AJAP1: variants seen among roughly 807,000 people sequenced by gnomAD.
AJAP1 encodes the protein adherens junctions associated protein 1, also known as adherens junction-associated protein 1.
A neutral mutation model predicts 35.0 loss-of-function variants in AJAP1; 5 were observed. The observed-to-expected ratio is 0.14, with a 90% CI of 0.07 to 0.30. AJAP1 has a LOEUF of 0.30. Among genes scored for constraint, AJAP1 ranks in the 10% least tolerant of loss-of-function variants. The pLI is 1.00. For synonymous variants in AJAP1, 284 were observed against 249.3 expected (o/e 1.14, Z -1.31); for missense variants, 586 against 571.0 (o/e 1.03, Z -0.27).
At chr1:4,755,708 C>T (rs1010992229) in intron 2 of AJAP1, among the ~76,000 whole-genome samples, 1 of 150,956 alleles carries the variant, frequency 6.6e-6, no homozygotes, top group African/African-American at 2.5e-5. Context: ...GCCATCACAG[C>T]AAGTACAGGG....
chr1:4,678,258 C>A (rs1281214172), intron 1 of AJAP1, among the ~76,000 whole-genome samples: 1 of 152,202 alleles, frequency 6.6e-6, no homozygotes, highest in Non-Finnish European at 1.5e-5. Flanking sequence ...GAAATTGTAT[C>A]ACAAATATGA....
chr1:4,710,980 G>A (rs1159798637), intron 1 of AJAP1, among the ~76,000 whole-genome samples: 2 of 152,276 alleles, frequency 1.3e-5, no homozygotes, highest in Non-Finnish European at 1.5e-5. Flanking sequence ...AGGCAGCCCC[G>A]CCCTCCTCAG....
At chr1:4,727,731 G>T (rs1299378623) in intron 2 of AJAP1, among the ~76,000 whole-genome samples, 1 of 152,198 alleles carries the variant, frequency 6.6e-6, no homozygotes, top group African/African-American at 2.4e-5. Context: ...GCAGTGATGG[G>T]ACTCTCCCAT....
chr1:4,733,493 G>A (rs955721434), intron 2 of AJAP1, among the ~76,000 whole-genome samples: 1 of 149,448 alleles, frequency 6.7e-6, no homozygotes, highest in African/African-American at 2.5e-5. Flanking sequence ...CTGGGAGTGG[G>A]ACCCTTCACA....
rs1326365521 is a variant in AJAP1, at chr1:4,792,037, C to T, written c.*9552C>T. 6.6e-6 allele frequency: 1 copy of T among 152,110 alleles called. No homozygotes were observed. The highest frequency in any genetic ancestry group is 1.5e-5 in the Non-Finnish European group (1 of 68,026). The allele number at this position is 152,110 out of a possible 1,614,324, so 9.4% of individuals were successfully genotyped here. On this transcript the variant is annotated 3_prime_UTR_variant, in exon 6 of 6. Transcript: ENST00000378191. ...AGAACTTTATTCCCCCGCCCCCTCA[C>T]CCATGTATACCAAAACTGGTTTTAT...
At position 4,668,386 on chromosome 1, in the gene AJAP1, G is replaced by A. The variant is rs1027330119; in HGVS notation, c.29+12932G>A. 4.9e-4 allele frequency among the ~76,000 whole-genome samples: 75 copies of A among 152,008 alleles called. 1 individual carries two copies. Among genetic ancestry groups the A allele is most frequent in the Non-Finnish European group, 3.5e-4 (24 of 68,012 alleles). On this transcript the variant is annotated intron_variant, in intron 1 of 5. Coordinates refer to ENST00000378191, the MANE Select transcript of AJAP1 (RefSeq NM_018836.4). ...TCTGTGGGTGTCTGTGTGTTGTGAG[G>A]TTGTAGGTGTGAGGCATCAGTTGAC...
Position 4,791,945 on chromosome 1 carries a change from A to C in AJAP1, c.*9460A>C, listed in dbSNP as rs1642254685. The C allele has an allele frequency of 6.6e-6, 1 of 152,258 alleles. No homozygotes were observed. The highest frequency in any genetic ancestry group is 2.4e-5 in the African/African-American group (1 of 41,468). The allele number at this position is 152,258 out of a possible 1,614,324, so 9.4% of individuals were successfully genotyped here. On this transcript the variant is annotated 3_prime_UTR_variant, in exon 6 of 6. Coordinates refer to ENST00000378191, the MANE Select transcript of AJAP1 (RefSeq NM_018836.4). ...ATTCACAAACCTGAAGCTGAACCAC[A>C]GGACAAGAAATTAAACAGCAACGGC...
In AJAP1 at chr1:4,718,108, A is replaced by G. The variant is rs1005424750; in HGVS notation, c.829+5409A>G. ...TAACTGGGATCTTCTGAATGGATGC[A>G]GCGTGGCAAATCCTGAGTGCCGTGG... On this transcript the variant is annotated intron_variant, in intron 2 of 5. Coordinates refer to ENST00000378191, the MANE Select transcript of AJAP1 (RefSeq NM_018836.4). 3.9e-5 allele frequency among the ~76,000 whole-genome samples: 6 copies of G among 151,964 alleles called. No individual in the cohort carries two copies. In the South Asian group the frequency reaches 1.3e-3, roughly 32 times the overall value.
At chr1:4,670,841 G>A (rs991278099) in intron 1 of AJAP1, among the ~76,000 whole-genome samples, 1 of 152,194 alleles carries the variant, frequency 6.6e-6, no homozygotes, top group Non-Finnish European at 1.5e-5. Context: ...CGGAGGAGAG[G>A]GAACAGAGCA....
At chr1:4,773,774 G>T (rs1274492999) in intron 4 of AJAP1, among the ~76,000 whole-genome samples, 1 of 152,230 alleles carries the variant, frequency 6.6e-6, no homozygotes, top group East Asian at 1.9e-4. Context: ...GGCCGTGTGG[G>T]TAGAGGGCAG....
chr1:4,769,464 G>A (rs1001058053), intron 2 of AJAP1, among the ~76,000 whole-genome samples: 1 of 152,306 alleles, frequency 6.6e-6, no homozygotes, highest in Non-Finnish European at 1.5e-5. Context: ...GGGTGTGAGG[G>A]GAGAAAGGGG....
At chr1:4,706,528 G>A (rs1038971051) in intron 1 of AJAP1, among the ~76,000 whole-genome samples, 1 of 152,184 alleles carries the variant, frequency 6.6e-6, no homozygotes, top group Non-Finnish European at 1.5e-5. Context: ...TGGAACGGCT[G>A]GGGTGGATTG....
chr1:4,712,882 G>A (rs532349372), intron 2 of AJAP1, among the ~76,000 whole-genome samples, 183 bp downstream of exon 2: 67 of 152,188 alleles, frequency 4.4e-4, no homozygotes, highest in Non-Finnish European at 2.4e-4. Context: ...TGCCTTAGAG[G>A]AAGGGGGCGT....
chr1:4,703,492 T>G (rs16839496), intron 1 of AJAP1, among the ~76,000 whole-genome samples: 3,257 of 152,176 alleles, frequency 0.021, 103 homozygotes, highest in South Asian at 0.13. Context: ...GGAGACACTT[T>G]CCCTTTCTCT....
At chr1:4,681,204 C>T (rs910145241) in intron 1 of AJAP1, among the ~76,000 whole-genome samples, 6 of 152,178 alleles carry the variant, frequency 3.9e-5, no homozygotes, top group South Asian at 2.1e-4. Context: ...ACTGTTAACC[C>T]GCAGCCCGCT....
At chr1:4,776,825 G>A (rs1354015357) in intron 5 of AJAP1, among the ~76,000 whole-genome samples, 1 of 152,182 alleles carries the variant, frequency 6.6e-6, no homozygotes, top group Non-Finnish European at 1.5e-5. Context: ...AAACATCTCT[G>A]TGTCTAAAGA....
chr1:4,667,306 A>G (rs989176132), intron 1 of AJAP1, among the ~76,000 whole-genome samples: 2 of 152,206 alleles, frequency 1.3e-5, no homozygotes, highest in Non-Finnish European at 1.5e-5. Context: ...TGACGACCCA[A>G]CTTTCCTTTC....
Position 4,784,622 on chromosome 1 carries a change from G to A in AJAP1, c.*2137G>A, listed in dbSNP as rs1041996992. The A allele has an allele frequency of 6.6e-6, 1 of 152,228 alleles. No homozygotes were observed. The highest frequency in any genetic ancestry group is 2.4e-5 in the African/African-American group (1 of 41,460). The allele number at this position is 152,228 out of a possible 1,614,324, so 9.4% of individuals were successfully genotyped here. ...TAGAGTAAGGCCTCCGGAGGTGAAA[G>A]GATTGTTTTTGTGATGCAGCAGTGT... On this transcript the variant is annotated 3_prime_UTR_variant, in exon 6 of 6. Transcript: ENST00000378191.
rs373541369 is a variant in AJAP1 at position 4,701,355 on chromosome 1, G to A, written c.30-10545G>A. Among the ~76,000 whole-genome samples, 7 of 152,328 alleles carry A rather than the reference G, an allele frequency of 4.6e-5. No homozygotes were observed. The South Asian group carries it at 1.0e-3, about 23-fold the overall frequency. On this transcript the variant is annotated intron_variant, in intron 1 of 5. Transcript: ENST00000378191. ...GGTTACACGGGTTAGTTTTGCTTAC[G>A]CAGCTGGCGGGTTGCAGTGCCAAGC...
Sources: allele counts gnomAD v4.1 joint callset (sites outside exome capture counted in the v4.1 genomes callset), GRCh38; gene constraint gnomAD v4.1.1; transcripts MANE v1.5; gene names NCBI Gene and HGNC (gene_info 2026-07-23, HGNC 2026-07-21).